Variants in KANK4 observed in about 807,000 individuals in gnomAD.
KANK4 encodes the protein KN motif and ankyrin repeat domain-containing protein 4.
A neutral mutation model predicts 80.8 loss-of-function variants in KANK4; 50 were observed. The ratio of observed to expected loss-of-function variants is 0.62; its 90% CI spans 0.49 to 0.78. The LOEUF is 0.78. Ranked by LOEUF, KANK4 falls within the 30% of genes least tolerant of loss-of-function variation. The pLI is 0.00. For synonymous variants in KANK4, 465 were observed against 506.9 expected, an observed-to-expected ratio of 0.92 and a Z score of 1.11; for missense variants, 1,196 against 1,240.1, an observed-to-expected ratio of 0.96 and a Z score of 0.53.
At position 62,247,682 on chromosome 1, in the gene KANK4, G is replaced by C; in HGVS notation, c.2683-10C>G. The stretch of plus-strand genomic sequence containing the variant: ...GCGCAGTCTGGCCTCCCTGCATGCA[G>C]AGCCACAGGGATGTGGTGAGGTTGC... On this transcript the variant is annotated splice_polypyrimidine_tract_variant and intron_variant, in intron 8 of 9. Coordinates refer to ENST00000371153, the MANE Select transcript of KANK4 (RefSeq NM_181712.5). The C allele has an allele frequency of 6.2e-7, 1 of 1,609,852 alleles. No homozygotes were observed. The highest frequency in any genetic ancestry group is 8.5e-7 in the Non-Finnish European group (1 of 1,179,382).
intron 8 of KANK4, among the ~76,000 whole-genome samples, chr1:62,250,833 C>T (rs1383161089): frequency 6.6e-6 from 1 of 152,220 alleles, no homozygotes; most frequent in African/African-American, 2.4e-5. Flanking sequence ...AATCTATAAA[C>T]ATCGGCTTCT....
Position 62,266,714 on chromosome 1 carries a change from A to G in KANK4, c.2319+18T>C. The G allele has an allele frequency of 6.5e-7, 1 of 1,539,622 alleles. No individual in the cohort carries two copies. Among genetic ancestry groups the G allele is most frequent in the Non-Finnish European group, 9.0e-7 (1 of 1,114,220 alleles). ...AACAGAAGGGAAATCTTTACATGAC[A>G]ATGAAAAATTAGAGTACCAAGAGCT... On this transcript the variant is annotated intron_variant, in intron 6 of 9. Coordinates refer to ENST00000371153, the MANE Select transcript of KANK4 (RefSeq NM_181712.5).
chr1:62,280,303 A>G (rs1274318730), intron 2 of KANK4, among the ~76,000 whole-genome samples: 1 of 152,196 alleles, frequency 6.6e-6, no homozygotes, highest in Non-Finnish European at 1.5e-5. Flanking sequence ...TCTTGGGCTC[A>G]TATGGGCAAT....
At chr1:62,244,726 T>A (rs1318691040) in intron 9 of KANK4, among the ~76,000 whole-genome samples, 1 of 152,136 alleles carries the variant, frequency 6.6e-6, no homozygotes, top group Non-Finnish European at 1.5e-5. Context: ...ATCAGCAGTG[T>A]GAAAACAGAC....
chr1:62,301,283 T>C (rs1285620542), intron 1 of KANK4, among the ~76,000 whole-genome samples: 1 of 152,028 alleles, frequency 6.6e-6, no homozygotes, highest in Non-Finnish European at 1.5e-5. Flanking sequence ...TATGTGGAAA[T>C]GTGTGCACGC....
In KANK4 at chr1:62,263,235, G is replaced by C; in HGVS notation, c.2396C>G (p.Ala799Gly). ...AGGCTGGACCTCGTGGAGGTAGGAG[G>C]CCACCACGGCGGGGCTAGACGACTT... ...SRKSSSPAVV[A>G]SYLHEVQPHS... The change falls in exon 7 of 10, where the codon GCC becomes GGC. Residue 799 changes from alanine (A) to glycine (G), a missense_variant. Coordinates refer to ENST00000371153, the MANE Select transcript of KANK4 (RefSeq NM_181712.5). 1 of 1,613,848 alleles carries C rather than the reference G, an allele frequency of 6.2e-7. No individual in the cohort carries two copies. The highest frequency in any genetic ancestry group is 8.5e-7 in the Non-Finnish European group (1 of 1,179,942).
rs377403827 is a variant in KANK4, at chr1:62,238,249, T to C, written c.*28A>G. On this transcript the variant is annotated 3_prime_UTR_variant, in exon 10 of 10. Transcript: ENST00000371153. ...AGGAGTCCAGAGAAGAAGGCTTTTG[T>C]TCCCCACGGCCAGTTCTTCTGCAGC... The C allele has an allele frequency of 6.5e-5, 101 of 1,549,592 alleles. No homozygotes were observed. The highest frequency in any genetic ancestry group is 8.8e-5 in the Non-Finnish European group (99 of 1,122,836).
rs1672453169 is a variant in KANK4 at position 62,281,610 on chromosome 1, G to A, written c.-46C>T. On this transcript the variant is annotated 5_prime_UTR_variant, in exon 2 of 10. Transcript: ENST00000371153. ...GTGTCTCAGGCACTCTTCATCCAAT[G>A]AGTCTGTAAAACTTGTTGAAGGTTC... 1 of 1,612,166 alleles carries A rather than the reference G, an allele frequency of 6.2e-7. No individual in the cohort carries two copies. The highest frequency in any genetic ancestry group is 1.6e-4 in the Middle Eastern group (1 of 6,062).
At chr1:62,304,047 T>C (rs576855028) in intron 1 of KANK4, among the ~76,000 whole-genome samples, 1 of 152,010 alleles carries the variant, frequency 6.6e-6, no homozygotes, top group South Asian at 2.1e-4. Context: ...CTAATTTTTG[T>C]ATTTTTTGGT....
At chr1:62,265,682 C>T (rs1377911397) in intron 6 of KANK4, among the ~76,000 whole-genome samples, 2 of 152,172 alleles carry the variant, frequency 1.3e-5, no homozygotes, top group Non-Finnish European at 2.9e-5. Context: ...AGCAAAATGG[C>T]TTTTAAAAAT....
chr1:62,296,708 T>C (rs12749514), intron 1 of KANK4, among the ~76,000 whole-genome samples: 109,040 of 151,766 alleles, frequency 0.72, 40,615 homozygotes, highest in African/African-American at 0.92. Context: ...CACACCACCA[T>C]GCCCGGCTAA....
At chr1:62,263,567 G>C in intron 6 of KANK4, 1 of 456,278 alleles carries the variant, frequency 2.2e-6, no homozygotes, top group Non-Finnish European at 3.9e-6. Context: ...GCACTTAACT[G>C]GAAAAAGTTT....
chr1:62,313,454 C>T (rs969709341), intron 1 of KANK4, among the ~76,000 whole-genome samples: 7 of 152,268 alleles, frequency 4.6e-5, no homozygotes, highest in East Asian at 1.9e-4. Context: ...CTCAGGCTCA[C>T]GGGGATAATA....
intron 1 of KANK4, among the ~76,000 whole-genome samples, chr1:62,314,081 T>G (rs1263498844): frequency 1.3e-5 from 2 of 152,172 alleles, no homozygotes; most frequent in Non-Finnish European, 2.9e-5. Context: ...TGGCGCGATC[T>G]CGGCTCACTG....
chr1:62,302,497 T>C (rs1275384896), intron 1 of KANK4, among the ~76,000 whole-genome samples: 2 of 152,056 alleles, frequency 1.3e-5, no homozygotes, highest in African/African-American at 4.8e-5. Flanking sequence ...ACAGACTGAA[T>C]GAGCCCCCTC....
At chr1:62,253,276 G>A (rs529547701) in intron 7 of KANK4, 67 bp from the exon 8 acceptor site, 19 of 1,471,762 alleles carry the variant, frequency 1.3e-5, no homozygotes, top group Admixed American at 1.1e-4. Flanking sequence ...CACTTTAGCC[G>A]TTTCAATGGG....
intron 7 of KANK4, among the ~76,000 whole-genome samples, chr1:62,260,209 A>G (rs1671847027): frequency 6.6e-6 from 1 of 151,950 alleles, no homozygotes; most frequent in Non-Finnish European, 1.5e-5. Flanking sequence ...TCCGCTGTGG[A>G]GTCCAGGCTT....
chr1:62,308,916 C>T (rs887981043), intron 1 of KANK4, among the ~76,000 whole-genome samples: 1 of 152,194 alleles, frequency 6.6e-6, no homozygotes, highest in Non-Finnish European at 1.5e-5. Flanking sequence ...TTCTGATTCT[C>T]CTGCCTCTTT....
chr1:62,272,550 T>A (rs1319938924), intron 3 of KANK4: 1 of 152,182 alleles, frequency 6.6e-6, no homozygotes, highest in African/African-American at 2.4e-5. Context: ...AACAGCCCCC[T>A]CTGGGTGGAT....
Sources: allele counts gnomAD v4.1 joint callset (sites outside exome capture counted in the v4.1 genomes callset), GRCh38; gene constraint gnomAD v4.1.1; transcripts MANE v1.5; gene names NCBI Gene and HGNC (gene_info 2026-07-23, HGNC 2026-07-21).